Variants in PBRM1 observed in about 807,000 individuals in gnomAD.
The protein encoded by PBRM1 is protein polybromo-1.
In PBRM1, 27 loss-of-function variants were observed where a neutral mutation model predicts 194.5. The ratio of observed to expected loss-of-function variants is 0.14; its 90% CI spans 0.10 to 0.19. PBRM1 has a LOEUF of 0.19. PBRM1 is among the 10% of genes least tolerant of loss of function. PBRM1 has a pLI of 1.00. For missense variants in PBRM1, 1,466 were observed against 2,077.2 expected, an observed-to-expected ratio of 0.71 and a Z score of 5.72; for synonymous variants, 655 against 693.2, an observed-to-expected ratio of 0.94 and a Z score of 0.87.
intron 3 of PBRM1, among the ~76,000 whole-genome samples, chr3:52,663,711 T>C (rs2096771992): frequency 6.6e-6 from 1 of 152,190 alleles, no homozygotes; most frequent in Non-Finnish European, 1.5e-5. Flanking sequence ...AATAATTAGA[T>C]TATCAGAATA....
chr3:52,592,652 A>C (rs1560160370), intron 17 of PBRM1, among the ~76,000 whole-genome samples: 1 of 152,228 alleles, frequency 6.6e-6, no homozygotes, highest in Non-Finnish European at 1.5e-5. Context: ...TTTTGGTATC[A>C]GGATGATGCT....
At chr3:52,652,162 T>A (rs1283615459) in intron 5 of PBRM1, among the ~76,000 whole-genome samples, 7 of 152,086 alleles carry the variant, frequency 4.6e-5, no homozygotes, top group Non-Finnish European at 1.0e-4. Flanking sequence ...GGCAGGTGGA[T>A]CACCTGAGGT....
upstream of PBRM1, among the ~76,000 whole-genome samples, chr3:52,683,457 G>A (rs1281787983): frequency 6.6e-6 from 1 of 151,886 alleles, no homozygotes; most frequent in Non-Finnish European, 1.5e-5. Flanking sequence ...TTGTAGACCT[G>A]TCTTACAGGA....
chr3:52,655,860 TGC>T (rs1216415141), intron 5 of PBRM1, among the ~76,000 whole-genome samples: 3 of 152,222 alleles, frequency 2.0e-5, no homozygotes, highest in Non-Finnish European at 4.4e-5. Flanking sequence ...ACAAGCATCT[TGC>T]ATATCTATGA....
intron 7 of PBRM1, among the ~76,000 whole-genome samples, 187 bp downstream of exon 8, chr3:52,648,157 T>C (rs1577522044): frequency 6.6e-6 from 1 of 152,196 alleles, no homozygotes; most frequent in Non-Finnish European, 1.5e-5. Context: ...TCCACCCACC[T>C]AGGCTTCACA....
Position 52,651,623 on chromosome 3 carries a change from G to T in PBRM1, c.714+119C>A, listed in dbSNP as rs915735396. The T allele has an allele frequency of 1.4e-4, 65 of 476,310 alleles. 1 individual carries two copies. Among genetic ancestry groups the T allele is most frequent in the South Asian group, 4.5e-4 (7 of 15,680 alleles). 29.5% of individuals were successfully genotyped at this position (476,310 alleles called of 1,614,324 possible). ...TAACACTATTTTAATTTATTTACAT[G>T]ATTTGCTAATAACCCCTTACAGAGA... On this transcript the variant is annotated intron_variant, in intron 6 of 29. Coordinates refer to ENST00000296302, the Ensembl canonical transcript of PBRM1.
intron 17 of PBRM1, among the ~76,000 whole-genome samples, chr3:52,592,882 T>C (rs1410149160): frequency 1.3e-5 from 2 of 152,230 alleles, no homozygotes; most frequent in African/African-American, 4.8e-5. Context: ...GGTTTCAGTC[T>C]TGCGAGGGTG....
At chr3:52,562,014 G>A in intron 24 of PBRM1, 46 bp from the exon 27 acceptor site, 1 of 1,491,944 alleles carries the variant, frequency 6.7e-7, no homozygotes, top group Non-Finnish European at 9.4e-7. Flanking sequence ...ATTACATTTG[G>A]TTAACTGCTC....
chr3:52,634,728 G>C (rs775851420), exon 11 of PBRM1: 2 of 1,613,638 alleles, frequency 1.2e-6, no homozygotes, highest in South Asian at 2.2e-5. Context: ...ACTCCTAACT[G>C]TGTCATAAAG....
At chr3:52,565,688 A>T (rs997024757) in intron 22 of PBRM1, among the ~76,000 whole-genome samples, 8 of 152,280 alleles carry the variant, frequency 5.3e-5, no homozygotes, top group African/African-American at 9.6e-5. Context: ...TAACCCAATT[A>T]AAAAATGTGC....
chr3:52,633,401 G>A (rs933876163), intron 11 of PBRM1, among the ~76,000 whole-genome samples: 6 of 151,942 alleles, frequency 3.9e-5, no homozygotes, highest in African/African-American at 1.5e-4. Context: ...ACCATTTTGC[G>A]TATCCCCTCA....
exon 1 of PBRM1, chr3:52,685,810 G>T (rs2097305012): frequency 2.8e-6 from 1 of 356,696 alleles, no homozygotes; most frequent in African/African-American, 2.2e-5. Context: ...CCGCCCCGTG[G>T]CCGCCACGGC....
intron 18 of PBRM1, among the ~76,000 whole-genome samples, chr3:52,588,376 A>G (rs1204320861): frequency 6.6e-6 from 1 of 152,030 alleles, no homozygotes; most frequent in African/African-American, 2.4e-5. Context: ...ATTCTATAAT[A>G]ATTTCTTTTT....
chr3:52,644,516 C>T (rs2096231438), intron 8 of PBRM1, among the ~76,000 whole-genome samples, 188 bp downstream of exon 9: 1 of 152,078 alleles, frequency 6.6e-6, no homozygotes, highest in African/African-American at 2.4e-5. Context: ...TCCCAAGTAG[C>T]TGTGACTACA....
At position 52,655,857 on chromosome 3, in the gene PBRM1, T is replaced by A. The variant is rs187593208; in HGVS notation, c.645+2342A>T. 3.4e-4 allele frequency among the ~76,000 whole-genome samples: 52 copies of A among 152,324 alleles called. No individual in the cohort carries two copies. In the East Asian group the frequency reaches 8.5e-3, roughly 25 times the overall value. On this transcript the variant is annotated intron_variant, in intron 5 of 29. Coordinates refer to ENST00000296302, the Ensembl canonical transcript of PBRM1. ...CATGCTACTCATCAGTCAACAAGCA[T>A]CTTGCATATCTATGACCACCCAGCA... is the stretch of plus-strand genomic sequence containing the variant.
intron 11 of PBRM1, among the ~76,000 whole-genome samples, chr3:52,631,975 T>C (rs746342565): frequency 2.8e-4 from 42 of 152,240 alleles, no homozygotes; most frequent in Non-Finnish European, 3.8e-4. Flanking sequence ...TAACTTTCCT[T>C]AAAGATATTT....
chr3:52,682,547 A>G (rs1448260484), upstream of PBRM1, among the ~76,000 whole-genome samples: 1 of 152,202 alleles, frequency 6.6e-6, no homozygotes, highest in African/African-American at 2.4e-5. Context: ...AAGATAAGAA[A>G]AAGTTTCAAC....
intron 20 of PBRM1, among the ~76,000 whole-genome samples, chr3:52,579,702 T>C (rs1261829731): frequency 1.3e-5 from 2 of 152,214 alleles, no homozygotes; most frequent in East Asian, 1.9e-4. Flanking sequence ...CGAAGACTTA[T>C]CAAGTATCTA....
chr3:52,683,173 A>G (rs1043255545), upstream of PBRM1, among the ~76,000 whole-genome samples: 3 of 151,582 alleles, frequency 2.0e-5, no homozygotes, highest in African/African-American at 7.3e-5. Context: ...ACTGCACTCC[A>G]CCCTGGACGT....
Sources: gnomAD v4.1 joint callset for allele counts (sites outside exome capture counted in the v4.1 genomes callset) on GRCh38, gnomAD v4.1.1 for gene constraint, MANE v1.5 for transcripts, NCBI Gene and HGNC (gene_info 2026-07-23, HGNC 2026-07-21) for gene names.